The following MOB3B variants were observed in gnomAD, a reference collection of about 807,000 sequenced individuals.
MOB3B encodes MOB kinase activator 3B.
Under a neutral mutation model 18.7 loss-of-function variants are expected in MOB3B, and 7 were observed. That is an observed-to-expected ratio of 0.37 (90% CI 0.21 to 0.70). The LOEUF is 0.70. MOB3B is among the 30% of genes least tolerant of loss of function. The pLI is 0.52. For missense variants in MOB3B, 253 were observed against 281.3 expected (o/e 0.90, Z 0.72); for synonymous variants, 111 against 99.9 (o/e 1.11, Z -0.66).
At chr9:27,483,008 C>T (rs537497058) in intron 1 of MOB3B, among the ~76,000 whole-genome samples, 14 of 149,170 alleles carry the variant, frequency 9.4e-5, no homozygotes, top group South Asian at 2.1e-4. Flanking sequence ...AGTTTAATAT[C>T]TTTAAGAGGT....
chr9:27,494,199 T>C (rs563278212), intron 1 of MOB3B, among the ~76,000 whole-genome samples: 1 of 152,324 alleles, frequency 6.6e-6, no homozygotes, highest in South Asian at 2.1e-4. Context: ...GATAAGATGT[T>C]ATCAATGACA....
chr9:27,346,918 CCCAGGAGG>C (rs1293040080), intron 3 of MOB3B, among the ~76,000 whole-genome samples: 1 of 152,140 alleles, frequency 6.6e-6, no homozygotes, highest in Non-Finnish European at 1.5e-5. Context: ...ATTGCTTGAA[CCCAGGAGG>C]TGGAGGTTGC....
chr9:27,510,051 AG>A (rs1432815142), intron 1 of MOB3B, among the ~76,000 whole-genome samples: 5 of 152,228 alleles, frequency 3.3e-5, no homozygotes, highest in African/African-American at 1.2e-4. Flanking sequence ...AACAGATTTG[AG>A]TAACACTATG....
intron 2 of MOB3B, among the ~76,000 whole-genome samples, chr9:27,385,887 C>T (rs1821644566): frequency 6.6e-6 from 1 of 152,220 alleles, no homozygotes; most frequent in Non-Finnish European, 1.5e-5. Context: ...GGTTTGGATG[C>T]TTCTCATGCA....
chr9:27,364,775 A>G (rs1821319748), intron 2 of MOB3B, among the ~76,000 whole-genome samples: 1 of 152,178 alleles, frequency 6.6e-6, no homozygotes. Context: ...GCAGTATTCT[A>G]TTGTGAATTG....
In MOB3B at chr9:27,469,153, G is replaced by A. The variant is rs1819434164; in HGVS notation, c.-198-13405C>T. ...TTGGGAATTTTTCTTTTTTTGTAGAGATGGGGGTCTTGCCATGTTGCCCAG... is the reference window on the plus strand; with the variant it reads ...TTGGGAATTTTTCTTTTTTTGTAGAAATGGGGGTCTTGCCATGTTGCCCAG... On this transcript the variant is annotated intron_variant, in intron 1 of 3. Coordinates refer to ENST00000262244, the MANE Select transcript of MOB3B (RefSeq NM_024761.5). 2.6e-5 allele frequency among the ~76,000 whole-genome samples: 4 copies of A among 152,116 alleles called. 1 individual carries two copies. Among genetic ancestry groups the A allele is most frequent in the Admixed American group, 2.0e-4 (3 of 15,278 alleles).
chr9:27,350,034 T>C (rs749415180), intron 3 of MOB3B, among the ~76,000 whole-genome samples: 1 of 152,174 alleles, frequency 6.6e-6, no homozygotes, highest in African/African-American at 2.4e-5. Flanking sequence ...TGATATCCAA[T>C]ACAATAGCCA....
At chr9:27,355,389 G>T (rs1160437255) in intron 3 of MOB3B, among the ~76,000 whole-genome samples, 1 of 152,156 alleles carries the variant, frequency 6.6e-6, no homozygotes, top group East Asian at 1.9e-4. Context: ...GACAAATGCT[G>T]CCCTTCTGGC....
intron 2 of MOB3B, among the ~76,000 whole-genome samples, chr9:27,425,102 G>A (rs184633961): frequency 5.3e-5 from 8 of 151,994 alleles, no homozygotes; most frequent in South Asian, 2.1e-4. Flanking sequence ...GCATCCAGGC[G>A]CGGTGGCTTG....
chr9:27,471,515 G>A (rs755925390), intron 1 of MOB3B, among the ~76,000 whole-genome samples: 1 of 152,200 alleles, frequency 6.6e-6, no homozygotes, highest in Non-Finnish European at 1.5e-5. Context: ...CAGACTGCCC[G>A]ATTTTGACTC....
At chr9:27,398,089 G>A (rs1044146979) in intron 2 of MOB3B, among the ~76,000 whole-genome samples, 5 of 152,182 alleles carry the variant, frequency 3.3e-5, no homozygotes, top group Admixed American at 3.3e-4. Context: ...AGCATTCTGG[G>A]TTACCTCAGT....
chr9:27,367,454 T>G (rs1821356605), intron 2 of MOB3B, among the ~76,000 whole-genome samples: 1 of 152,208 alleles, frequency 6.6e-6, no homozygotes, highest in African/African-American at 2.4e-5. Flanking sequence ...AGGACACTGG[T>G]GAAACGCCTG....
Position 27,330,568 on chromosome 9 carries a change from CA to C in MOB3B, c.*18del. The C allele has an allele frequency of 6.2e-7, 1 of 1,613,628 alleles. No individual in the cohort carries two copies. Among genetic ancestry groups the C allele is most frequent in the South Asian group, 1.1e-5 (1 of 90,900 alleles). On this transcript the variant is annotated 3_prime_UTR_variant, in exon 4 of 4. Transcript: ENST00000262244. ...AGGAGGAAACAGCTTTCCTTTCTTC[CA>C]AAGGGTGAGGTGGAGCATTAGTGAC...
chr9:27,337,456 GC>G, intron 3 of MOB3B, among the ~76,000 whole-genome samples: 1 of 152,152 alleles, frequency 6.6e-6, no homozygotes, highest in African/African-American at 2.4e-5. Context: ...AGGTTTCACG[GC>G]CCCCTCCCAA....
intron 3 of MOB3B, among the ~76,000 whole-genome samples, chr9:27,337,487 C>T (rs908926407): frequency 6.6e-6 from 1 of 152,220 alleles, no homozygotes; most frequent in Non-Finnish European, 1.5e-5. Context: ...CAGCTCCTGC[C>T]AGCACTCACT....
At chr9:27,338,015 T>C (rs925121644) in intron 3 of MOB3B, among the ~76,000 whole-genome samples, 2 of 152,184 alleles carry the variant, frequency 1.3e-5, no homozygotes, top group African/African-American at 4.8e-5. Flanking sequence ...CACCACTCTC[T>C]AATGCCTGCT....
chr9:27,354,832 C>A (rs1028045900), intron 3 of MOB3B, among the ~76,000 whole-genome samples: 1 of 152,152 alleles, frequency 6.6e-6, no homozygotes, highest in Non-Finnish European at 1.5e-5. Context: ...GGGAATCAAT[C>A]GTTAAGACAG....
intron 1 of MOB3B, among the ~76,000 whole-genome samples, chr9:27,519,185 T>C: frequency 6.6e-6 from 1 of 152,164 alleles, no homozygotes. Flanking sequence ...CAAATAACTT[T>C]ACTGTCATTA....
intron 2 of MOB3B, among the ~76,000 whole-genome samples, chr9:27,395,734 A>G (rs1279867415): frequency 6.6e-6 from 1 of 152,184 alleles, no homozygotes; most frequent in African/African-American, 2.4e-5. Context: ...GCAACACAGA[A>G]CGGTAGCAAG....
Sources: allele counts gnomAD v4.1 joint callset (sites outside exome capture counted in the v4.1 genomes callset), GRCh38; gene constraint gnomAD v4.1.1; transcripts MANE v1.5; gene names NCBI Gene and HGNC (gene_info 2026-07-23, HGNC 2026-07-21).